Variants in GALNT13 observed in about 807,000 individuals in gnomAD.
GALNT13 encodes the protein UDP-GalNAc:polypeptide N-acetylgalactosaminyltransferase 13.
A neutral mutation model predicts 64.2 loss-of-function variants in GALNT13; 28 were observed. That is an observed-to-expected ratio of 0.44 (90% confidence interval 0.32 to 0.60). GALNT13 has a LOEUF of 0.60. Among genes scored for constraint, GALNT13 ranks in the 20% least tolerant of loss-of-function variants. The probability of loss-of-function intolerance (pLI) is 0.05; values close to 1 mark genes in which losing one functional copy is unlikely to be tolerated. For synonymous variants in GALNT13, 214 were observed against 224.6 expected (o/e 0.95, Z 0.42); for missense variants, 577 against 669.8 (o/e 0.86, Z 1.53).
At chr2:153,264,841 G>A in the GALNT13 span, among the ~76,000 whole-genome samples, 7 of 152,172 alleles carry the variant, frequency 4.6e-5, no homozygotes, top group African/African-American at 1.7e-4. Context: ...TGCATGCTGG[G>A]CTTAATACCT....
At chr2:153,783,393 T>G in the GALNT13 span, among the ~76,000 whole-genome samples, 3 of 143,468 alleles carry the variant, frequency 2.1e-5, no homozygotes, top group East Asian at 1.9e-4. Flanking sequence ...GAGATTTCTG[T>G]TTTTGTTTTT....
At chr2:153,990,537 G>A (rs1695092571) in intron 3 of GALNT13, among the ~76,000 whole-genome samples, 1 of 152,102 alleles carries the variant, frequency 6.6e-6, no homozygotes, top group South Asian at 2.1e-4. Flanking sequence ...ATTGGAGAAT[G>A]ATAAAGTTTA....
the GALNT13 span, among the ~76,000 whole-genome samples, chr2:153,362,795 T>A: frequency 6.6e-6 from 1 of 152,148 alleles, no homozygotes; most frequent in Admixed American, 6.5e-5. Flanking sequence ...TGGGAGACTT[T>A]AACATCCCAC....
chr2:154,354,630 TGAATGTGGAAACTCAC>T (rs1696623222), intron 9 of GALNT13, among the ~76,000 whole-genome samples: 1 of 151,840 alleles, frequency 6.6e-6, no homozygotes, highest in Non-Finnish European at 1.5e-5. Context: ...TTTTTTTTTT[TGAATGTGGAAACTCAC>T]TTCTGCAAGC....
chr2:153,763,145 A>C, the GALNT13 span, among the ~76,000 whole-genome samples: 4 of 152,138 alleles, frequency 2.6e-5, no homozygotes, highest in Admixed American at 2.0e-4. Context: ...TAACTATCAT[A>C]CTGAGATAAA....
chr2:153,910,501 T>A (rs944955139), intron 2 of GALNT13, among the ~76,000 whole-genome samples: 12 of 152,160 alleles, frequency 7.9e-5, no homozygotes, highest in African/African-American at 2.7e-4. Context: ...TCTTCTTGCT[T>A]CTCTACTTCT....
the GALNT13 span, among the ~76,000 whole-genome samples, chr2:153,120,923 C>G: frequency 5.6e-4 from 86 of 152,302 alleles, no homozygotes; most frequent in Middle Eastern, 3.4e-3. Context: ...ATTGCGTGAT[C>G]TGCTCCAAAG....
chr2:153,498,300 A>G, the GALNT13 span, among the ~76,000 whole-genome samples: 2 of 152,050 alleles, frequency 1.3e-5, no homozygotes, highest in East Asian at 3.9e-4. Flanking sequence ...CCAGCTGGAA[A>G]CCTCTGTGGC....
At chr2:153,114,777 G>T in the GALNT13 span, among the ~76,000 whole-genome samples, 382 of 152,162 alleles carry the variant, frequency 2.5e-3, 3 homozygotes, top group East Asian at 4.8e-3. Context: ...GGCAAAAACT[G>T]AGTTTACCAA....
the GALNT13 span, among the ~76,000 whole-genome samples, chr2:153,779,701 A>T: frequency 6.6e-6 from 1 of 152,134 alleles, no homozygotes; most frequent in Non-Finnish European, 1.5e-5. Flanking sequence ...CCAGACTCAC[A>T]ATAAAAAGGT....
the GALNT13 span, among the ~76,000 whole-genome samples, chr2:153,555,486 G>A: frequency 1.9e-5 from 2 of 104,608 alleles, no homozygotes; most frequent in East Asian, 2.6e-4. Flanking sequence ...GAGCCACCGC[G>A]CCCGGCCCAG....
intron 3 of GALNT13, among the ~76,000 whole-genome samples, chr2:154,016,396 T>A (rs1013033989): frequency 6.6e-6 from 1 of 152,094 alleles, no homozygotes; most frequent in Non-Finnish European, 1.5e-5. Flanking sequence ...TTCAGAAGAT[T>A]TATATTGTAC....
the GALNT13 span, among the ~76,000 whole-genome samples, chr2:153,519,861 C>T: frequency 6.6e-6 from 1 of 152,070 alleles, no homozygotes; most frequent in East Asian, 1.9e-4. Flanking sequence ...AGTATTATTT[C>T]TTAGGTAAAT....
At chr2:153,981,213 A>G (rs544637359) in intron 3 of GALNT13, among the ~76,000 whole-genome samples, 9 of 152,150 alleles carry the variant, frequency 5.9e-5, no homozygotes, top group African/African-American at 2.2e-4. Context: ...TATTTTAGAA[A>G]TATAGTTTTT....
intron 3 of GALNT13, among the ~76,000 whole-genome samples, chr2:154,011,224 G>GCGCTTAGTGCTGTAAA (rs147554714): frequency 6.6e-6 from 1 of 151,880 alleles, no homozygotes; most frequent in Non-Finnish European, 1.5e-5. Context: ...TTGTGATGTA[G>GCGCTTAGTGCTGTAAA]CTTTCTTCTT....
chr2:153,736,275 T>C, the GALNT13 span, among the ~76,000 whole-genome samples: 17 of 152,290 alleles, frequency 1.1e-4, 1 homozygote, highest in Admixed American at 9.2e-4. Flanking sequence ...CTGTTGCTAC[T>C]GTTATTTTGA....
In GALNT13 at chr2:154,140,353, C is replaced by A. The variant is rs1343407747; in HGVS notation, c.159C>A (p.Asn53Lys). 1 of 1,612,226 alleles carries A rather than the reference C, an allele frequency of 6.2e-7. No individual in the cohort carries two copies. The highest frequency in any genetic ancestry group is 8.5e-7 in the Non-Finnish European group (1 of 1,178,834). Reference sequence around the variant, plus strand: ...GTCTTACAGCTGTTATTTCAAGAAACCAAGAAGGGCCAGGAGAAATGGGAA... The same window carrying A: ...GTCTTACAGCTGTTATTTCAAGAAAACAAGAAGGGCCAGGAGAAATGGGAA... ...LPALRAVISR[N>K]QEGPGEMGKA... The change falls in exon 4 of 13, where the codon AAC becomes AAA. Residue 53 changes from asparagine (N) to lysine (K), a missense_variant. This residue lies in a region of GALNT13 where 341 missense variants were observed against 379.3 expected (regional missense o/e 0.90). Transcript: ENST00000392825.
At chr2:153,697,537 T>A in the GALNT13 span, among the ~76,000 whole-genome samples, 1 of 152,322 alleles carries the variant, frequency 6.6e-6, no homozygotes, top group African/African-American at 2.4e-5. Flanking sequence ...TGTGTGAATA[T>A]GTAAGAGAAA....
chr2:154,158,633 A>G (rs1306703718), intron 4 of GALNT13, among the ~76,000 whole-genome samples: 1 of 152,222 alleles, frequency 6.6e-6, no homozygotes, highest in Non-Finnish European at 1.5e-5. Context: ...TGCAAGGTAC[A>G]GGTGAACCAT....
Sources: allele counts gnomAD v4.1 joint callset (sites outside exome capture counted in the v4.1 genomes callset), GRCh38; gene constraint gnomAD v4.1.1; regional missense constraint gnomAD v4.1.1; transcripts MANE v1.5; gene names NCBI Gene and HGNC (gene_info 2026-07-23, HGNC 2026-07-21).